Variants in UBAP2 observed in about 807,000 individuals in gnomAD.
UBAP2 encodes ubiquitin associated protein 2, also known as ubiquitin-associated protein 2.
A neutral mutation model predicts 139.6 loss-of-function variants in UBAP2; 75 were observed. The observed-to-expected ratio is 0.54, with a 90% CI of 0.45 to 0.65. The LOEUF (loss-of-function observed/expected upper bound fraction) is 0.65, where lower values mean the gene tolerates loss of function less well. UBAP2 is among the 30% of genes least tolerant of loss of function. UBAP2 has a pLI of 0.00. For synonymous variants in UBAP2, 526 were observed against 526.2 expected (o/e 1.00, Z 0.01); for missense variants, 1,368 against 1,369.6 (o/e 1.00, Z 0.02).
At chr9:34,013,736 G>C (rs1337630775) in intron 2 of UBAP2, among the ~76,000 whole-genome samples, 1 of 151,782 alleles carries the variant, frequency 6.6e-6, no homozygotes, top group Non-Finnish European at 1.5e-5. Flanking sequence ...AATTAGCCAG[G>C]CATGGTGATA....
rs186391049 is a variant in UBAP2 at position 33,959,712 on chromosome 9, T to A, written c.798+1114A>T. The stretch of plus-strand genomic sequence containing the variant: ...ATCTGTGCAATAAAGGAATTTTTTT[T>A]AAAAAAAGGTTCTTCTAGTCAAAAG... On this transcript the variant is annotated intron_variant, in intron 10 of 28. Coordinates refer to ENST00000379238, the MANE Select transcript of UBAP2 (RefSeq NM_001370062.2). Among the ~76,000 whole-genome samples the A allele has an allele frequency of 5.3e-4, 80 of 152,260 alleles. No homozygotes were observed. The East Asian group carries it at 7.9e-3, about 15-fold the overall frequency.
chr9:33,980,983 G>C (rs952386800), intron 6 of UBAP2, among the ~76,000 whole-genome samples: 1 of 145,570 alleles, frequency 6.9e-6, no homozygotes, highest in East Asian at 2.0e-4. Context: ...AATAAAAACG[G>C]TGAGCCACAC....
chr9:33,959,286 C>T (rs949936414), intron 10 of UBAP2, among the ~76,000 whole-genome samples: 5 of 152,142 alleles, frequency 3.3e-5, no homozygotes, highest in Admixed American at 2.6e-4. Context: ...AGGAACAACG[C>T]CCTGCCTAAG....
chr9:33,941,106 A>T (rs933716642), intron 16 of UBAP2, among the ~76,000 whole-genome samples: 47 of 152,204 alleles, frequency 3.1e-4, no homozygotes, highest in Admixed American at 6.5e-5. Context: ...ATATTGGTAC[A>T]TCTCAACTTA....
rs530957104 is a variant in UBAP2, at chr9:34,008,306, G to A, written c.99+8744C>T. Among the ~76,000 whole-genome samples the A allele has an allele frequency of 2.0e-3, 239 of 118,902 alleles. 1 individual carries two copies. The highest frequency in any genetic ancestry group is 5.0e-3 in the Middle Eastern group (1 of 200). The allele number at this position is 118,902 out of a possible 152,430, so 78.0% of individuals were successfully genotyped here. A position where few individuals can be genotyped will look rare whatever the true frequency, so the allele number is the denominator to read the frequency against. ...GCACTGCAGCGTGGGCAACAAGAGCGAAACTCCGTCTCAAAAAAAAAAAAA... is the reference window on the plus strand; with the variant it reads ...GCACTGCAGCGTGGGCAACAAGAGCAAAACTCCGTCTCAAAAAAAAAAAAA... On this transcript the variant is annotated intron_variant, in intron 2 of 28. Coordinates refer to ENST00000379238, the MANE Select transcript of UBAP2 (RefSeq NM_001370062.2).
chr9:33,948,370 C>T lies in UBAP2; in HGVS notation c.1270+4G>A, dbSNP rs749353605. ...GGGCAAACCCACAAACAATGTATAC[C>T]TACCAAGATGACTGAGGACTGAGGA... On this transcript the variant is annotated splice_donor_region_variant and intron_variant, in intron 13 of 28. Transcript: ENST00000379238. The T allele has an allele frequency of 1.2e-6, 2 of 1,604,020 alleles. No homozygotes were observed. The highest frequency in any genetic ancestry group is 1.7e-6 in the Non-Finnish European group (2 of 1,173,168).
At chr9:34,039,001 G>A (rs1393024927) in intron 1 of UBAP2, among the ~76,000 whole-genome samples, 1 of 147,362 alleles carries the variant, frequency 6.8e-6, no homozygotes, top group African/African-American at 2.5e-5. Context: ...GAGCGTCTCT[G>A]CCCGGCCGAC....
At chr9:34,045,970 T>C (rs894499755) in intron 1 of UBAP2, among the ~76,000 whole-genome samples, 5 of 152,140 alleles carry the variant, frequency 3.3e-5, no homozygotes, top group Admixed American at 3.3e-4. Flanking sequence ...CTAAAATCTA[T>C]CAGAGATCTA....
chr9:34,025,519 C>T (rs1277737582), intron 1 of UBAP2, among the ~76,000 whole-genome samples: 1 of 152,142 alleles, frequency 6.6e-6, no homozygotes, highest in Non-Finnish European at 1.5e-5. Context: ...GATTTTAACA[C>T]AGGTAAAGAA....
intron 22 of UBAP2, among the ~76,000 whole-genome samples, chr9:33,925,663 T>C (rs1823366632): frequency 1.3e-5 from 2 of 152,202 alleles, no homozygotes; most frequent in Non-Finnish European, 2.9e-5. Flanking sequence ...GCTAGGCCTC[T>C]GCTTCTGGAA....
intron 12 of UBAP2, among the ~76,000 whole-genome samples, chr9:33,951,383 G>A (rs931864850): frequency 1.7e-5 from 2 of 120,252 alleles, no homozygotes; most frequent in Non-Finnish European, 3.2e-5. Context: ...AGTTTCTCTC[G>A]TCGCCCAGGC....
intron 1 of UBAP2, among the ~76,000 whole-genome samples, chr9:34,035,240 C>T (rs1245833857): frequency 6.6e-6 from 1 of 151,776 alleles, no homozygotes; most frequent in Non-Finnish European, 1.5e-5. Flanking sequence ...CGGTGGCTCA[C>T]GCCTGTAATC....
intron 4 of UBAP2, chr9:33,995,502 T>A (rs1173134857): frequency 2.2e-5 from 3 of 133,600 alleles, no homozygotes; most frequent in Middle Eastern, 6.6e-3. Flanking sequence ...TAAATATATA[T>A]ATTTATATTA....
At chr9:34,043,763 G>T (rs903894987) in intron 1 of UBAP2, among the ~76,000 whole-genome samples, 6 of 151,096 alleles carry the variant, frequency 4.0e-5, no homozygotes, top group Admixed American at 3.3e-4. Context: ...CAAAGCGTTG[G>T]AATTACACGC....
rs1823111290 is a variant in UBAP2 at position 33,923,418 on chromosome 9, G to A, written c.2857C>T (p.Gln953Ter). The change falls in exon 25 of 29, where the codon CAG (glutamine) becomes TAG (stop). Residue 953 changes from glutamine to a stop codon, truncating the protein, a stop_gained. Coordinates refer to ENST00000379238, the MANE Select transcript of UBAP2 (RefSeq NM_001370062.2). LOFTEE classifies it high-confidence loss of function. ...VNLSTPTPPF[Q>*]QASGYGQHGY... ...TGCTGGCCATAACCACTGGCCTGCT[G>A]GAAGGGAGGTGTGGGAGTGCTGAGG... The A allele has an allele frequency of 6.2e-7, 1 of 1,614,168 alleles. No homozygotes were observed. The highest frequency in any genetic ancestry group is 8.5e-7 in the Non-Finnish European group (1 of 1,180,014).
chr9:34,016,185 G>C (rs1334790599), intron 2 of UBAP2, among the ~76,000 whole-genome samples: 1 of 61,934 alleles, frequency 1.6e-5, no homozygotes, highest in African/African-American at 3.6e-5. Flanking sequence ...AGGAGGAAGA[G>C]GAGGAATAGA....
rs149927922 is a variant in UBAP2, at chr9:33,963,736, A to G, written c.735T>C (p.Tyr245=). ...ATTAAGTATTCATACCTTTGAGTCC[A>G]TAAGAACTTTTGTTTGACAGATCCT... The part of the protein sequence containing the change: ...IAQDLSNKSS[Y]GLKGAWKNSV... Residue 245 remains tyrosine (Y), a synonymous_variant, in exon 9 of 29, where the codon TAT becomes TAC. Transcript: ENST00000379238. 1.9e-5 allele frequency: 30 copies of G among 1,607,946 alleles called. No individual in the cohort carries two copies. The highest frequency in any genetic ancestry group is 1.1e-4 in the African/African-American group (8 of 74,918).
chr9:33,929,557 CAAGAAAATGG>C (rs1823779387), intron 19 of UBAP2, among the ~76,000 whole-genome samples: 1 of 151,804 alleles, frequency 6.6e-6, no homozygotes, highest in African/African-American at 2.4e-5. Flanking sequence ...GATATAACTA[CAAGAAAATGG>C]AAGAAAATAC....
In UBAP2 at chr9:33,959,018, G is replaced by A. The variant is rs374907914; in HGVS notation, c.798+1808C>T. Among the ~76,000 whole-genome samples, 33 of 152,146 alleles carry A rather than the reference G, an allele frequency of 2.2e-4. 1 individual carries two copies. The East Asian group carries it at 3.1e-3, about 14-fold the overall frequency. The stretch of plus-strand genomic sequence containing the variant: ...ACAAACATTGGCCAGGCATGGTGGC[G>A]TGCATCTATAATTCCAGCTACTCAG... On this transcript the variant is annotated intron_variant, in intron 10 of 28. Coordinates refer to ENST00000379238, the MANE Select transcript of UBAP2 (RefSeq NM_001370062.2).
Sources: gnomAD v4.1 joint callset for allele counts (sites outside exome capture counted in the v4.1 genomes callset) on GRCh38, gnomAD v4.1.1 for gene constraint, MANE v1.5 for transcripts, NCBI Gene and HGNC (gene_info 2026-07-23, HGNC 2026-07-21) for gene names.